MTUS2: variants seen among roughly 807,000 people sequenced by gnomAD.
The protein encoded by MTUS2 is microtubule associated scaffold protein 2.
In MTUS2, 40 loss-of-function variants were observed where a neutral mutation model predicts 114.1. The ratio of observed to expected loss-of-function variants is 0.35; its 90% CI spans 0.27 to 0.46. MTUS2 has a LOEUF of 0.46. Ranked by LOEUF, MTUS2 falls within the 20% of genes least tolerant of loss-of-function variation. MTUS2 has a pLI of 1.00. For synonymous variants in MTUS2, 688 were observed against 672.0 expected, an observed-to-expected ratio of 1.02 and a Z score of -0.37; for missense variants, 1,679 against 1,705.4, an observed-to-expected ratio of 0.98 and a Z score of 0.27.
At chr13:29,498,280 A>C in intron 13 of MTUS2, 138 bp from the exon 14 acceptor site, 1 of 1,235,848 alleles carries the variant, frequency 8.1e-7, no homozygotes, top group South Asian at 1.5e-5. Flanking sequence ...GGCTGTGAGC[A>C]TCCTCTCTCT....
chr13:29,020,003 C>G (rs75180201), intron 2 of MTUS2, among the ~76,000 whole-genome samples: 1 of 152,140 alleles, frequency 6.6e-6, no homozygotes, highest in African/African-American at 2.4e-5. Context: ...GGAAGAATTG[C>G]ATCATTCTGC....
chr13:29,281,109 T>C (rs1898247431), intron 5 of MTUS2, among the ~76,000 whole-genome samples: 1 of 152,156 alleles, frequency 6.6e-6, no homozygotes, highest in African/African-American at 2.4e-5. Flanking sequence ...CCTCAGCTTT[T>C]CAAACAGAAA....
At chr13:29,438,043 C>T (rs913800626) in intron 8 of MTUS2, among the ~76,000 whole-genome samples, 1 of 151,704 alleles carries the variant, frequency 6.6e-6, no homozygotes, top group Non-Finnish European at 1.5e-5. Flanking sequence ...GGGTGTTATC[C>T]AGTTGCAAAT....
intron 5 of MTUS2, among the ~76,000 whole-genome samples, chr13:29,204,608 G>A (rs544246175): frequency 8.5e-5 from 13 of 152,320 alleles, no homozygotes; most frequent in East Asian, 1.9e-4. Context: ...ACCTGGGAGC[G>A]GAGGATGGGC....
In MTUS2 at chr13:28,976,195, C is replaced by A. The variant is rs1332823997; in HGVS notation, c.-242-48262C>A. Among the ~76,000 whole-genome samples the A allele has an allele frequency of 4.0e-5, 5 of 124,800 alleles. No individual in the cohort carries two copies. The South Asian group carries it at 7.4e-4, about 18-fold the overall frequency. 81.9% of individuals were successfully genotyped at this position (124,800 alleles called of 152,430 possible). The stretch of plus-strand genomic sequence containing the variant: ...CTCCAGTTTAGATGACAGAATGAGA[C>A]CTTGTCTCAAAAAAAAAAAAAAAAA... On this transcript the variant is annotated intron_variant, in intron 2 of 15. Transcript: ENST00000612955.
At chr13:29,299,946 A>G (rs1350940518) in intron 6 of MTUS2, among the ~76,000 whole-genome samples, 2 of 152,102 alleles carry the variant, frequency 1.3e-5, no homozygotes, top group African/African-American at 2.4e-5. Flanking sequence ...ATTCATTGGA[A>G]CAATTTGAAT....
chr13:28,989,008 T>A (rs541575703), intron 2 of MTUS2, among the ~76,000 whole-genome samples: 2 of 152,372 alleles, frequency 1.3e-5, no homozygotes, highest in South Asian at 4.1e-4. Context: ...CCAGCTTGGC[T>A]GCACTTTGAG....
intron 6 of MTUS2, chr13:29,306,975 G>A: frequency 1.8e-6 from 1 of 547,988 alleles, no homozygotes; most frequent in Non-Finnish European, 3.6e-6. Flanking sequence ...AGAACAGGAA[G>A]CTTGTCATCA....
At chr13:29,478,379 G>A (rs1003183020) in intron 9 of MTUS2, among the ~76,000 whole-genome samples, 1 of 152,162 alleles carries the variant, frequency 6.6e-6, no homozygotes, top group African/African-American at 2.4e-5. Flanking sequence ...TGAGGTTCAT[G>A]TTCAGCAGGT....
chr13:28,861,709 C>G (rs924579605), intron 2 of MTUS2, among the ~76,000 whole-genome samples: 1 of 152,110 alleles, frequency 6.6e-6, no homozygotes, highest in Non-Finnish European at 1.5e-5. Context: ...TTGGTTGGTA[C>G]TTACTGGCTG....
chr13:29,359,494 G>A, intron 8 of MTUS2, 21 bp downstream of exon 8: 1 of 1,596,730 alleles, frequency 6.3e-7, no homozygotes, highest in Non-Finnish European at 8.5e-7. Flanking sequence ...ATTTCGTGAA[G>A]GTCCAAGGGC....
intron 11 of MTUS2, among the ~76,000 whole-genome samples, chr13:29,490,797 C>CTT (rs1375702866): frequency 6.6e-6 from 1 of 152,282 alleles, no homozygotes; most frequent in East Asian, 1.9e-4. Flanking sequence ...AGCTCCGCTG[C>CTT]TTTCCTCAGC....
intron 2 of MTUS2, among the ~76,000 whole-genome samples, chr13:28,925,417 A>G (rs1038153722): frequency 6.6e-6 from 1 of 152,244 alleles, no homozygotes; most frequent in Admixed American, 6.5e-5. Context: ...TAATCAATTT[A>G]AGTATTTTAA....
intron 5 of MTUS2, among the ~76,000 whole-genome samples, chr13:29,203,158 A>G (rs1427499557): frequency 6.6e-6 from 1 of 152,170 alleles, no homozygotes; most frequent in African/African-American, 2.4e-5. Flanking sequence ...CGGGAATTCT[A>G]TCTATAAGCC....
intron 5 of MTUS2, among the ~76,000 whole-genome samples, chr13:29,247,704 C>T (rs183166827): frequency 4.6e-5 from 7 of 152,200 alleles, no homozygotes; most frequent in Admixed American, 3.3e-4. Flanking sequence ...AATGTGATAC[C>T]GCCATACTCC....
chr13:29,183,058 A>G (rs1023963235), intron 5 of MTUS2, among the ~76,000 whole-genome samples: 2 of 152,242 alleles, frequency 1.3e-5, no homozygotes, highest in Non-Finnish European at 2.9e-5. Flanking sequence ...TGAGCAGAGT[A>G]TCACAGAAGC....
intron 5 of MTUS2, among the ~76,000 whole-genome samples, chr13:29,150,443 C>G (rs926695532): frequency 2.0e-5 from 3 of 152,118 alleles, no homozygotes; most frequent in Non-Finnish European, 2.9e-5. Flanking sequence ...GACATTCGAC[C>G]TTTGTCAGAT....
intron 5 of MTUS2, among the ~76,000 whole-genome samples, chr13:29,187,555 C>T (rs1391676342): frequency 3.3e-5 from 5 of 152,108 alleles, no homozygotes; most frequent in African/African-American, 1.2e-4. Flanking sequence ...GTTTGTGAAG[C>T]TATTATTTTA....
At chr13:29,453,248 A>T (rs961961768) in intron 9 of MTUS2, among the ~76,000 whole-genome samples, 2 of 152,248 alleles carry the variant, frequency 1.3e-5, no homozygotes, top group Non-Finnish European at 2.9e-5. Context: ...TATATGTTGT[A>T]AATTACAGAC....
Sources: gnomAD v4.1 joint callset for allele counts (sites outside exome capture counted in the v4.1 genomes callset) on GRCh38, gnomAD v4.1.1 for gene constraint, MANE v1.5 for transcripts, NCBI Gene and HGNC (gene_info 2026-07-23, HGNC 2026-07-21) for gene names.